The following SH3BGR variants were observed in gnomAD, a reference collection of about 807,000 sequenced individuals.
The protein encoded by SH3BGR is SH3 domain binding glutamate rich protein, also known as SH3 domain-binding glutamic acid-rich protein.
In SH3BGR, 29 loss-of-function variants were observed where a neutral mutation model predicts 24.5. The ratio of observed to expected loss-of-function variants is 1.18; its 90% CI spans 0.88 to 1.61. The LOEUF (loss-of-function observed/expected upper bound fraction) is 1.61, where lower values mean the gene tolerates loss of function less well. Among genes scored for constraint, SH3BGR ranks in the 40% most tolerant of loss-of-function variants. The probability of loss-of-function intolerance (pLI) is 0.00; values close to 1 mark genes in which losing one functional copy is unlikely to be tolerated. For missense variants in SH3BGR, 162 were observed against 205.8 expected (o/e 0.79, Z 1.30); for synonymous variants, 55 against 65.7 (o/e 0.84, Z 0.79).
rs146550854 is a variant in SH3BGR at position 39,499,210 on chromosome 21, A to T, written c.313-613A>T. 3.5e-3 allele frequency among the ~76,000 whole-genome samples: 528 copies of T among 152,110 alleles called. 4 individuals are homozygous for T. The highest frequency in any genetic ancestry group is 0.012 in the African/African-American group (497 of 41,514). On this transcript the variant is annotated intron_variant, in intron 3 of 6. Coordinates refer to ENST00000333634, the MANE Select transcript of SH3BGR (RefSeq NM_007341.3). Reference sequence around the variant, plus strand: ...AATTCAAGATGAGATTTGAGTGGGGACACAAAGCCTAACCATATTATCATC... The same window carrying T: ...AATTCAAGATGAGATTTGAGTGGGGTCACAAAGCCTAACCATATTATCATC...
upstream of SH3BGR, among the ~76,000 whole-genome samples, chr21:39,449,572 G>A (rs149350403): frequency 2.6e-4 from 39 of 152,280 alleles, no homozygotes; most frequent in African/African-American, 7.0e-4. Context: ...TAATACATTA[G>A]AAGGAATCTT....
intron 3 of SH3BGR, among the ~76,000 whole-genome samples, chr21:39,489,383 G>C (rs1300287911): frequency 6.6e-6 from 1 of 152,380 alleles, no homozygotes; most frequent in African/African-American, 2.4e-5. Context: ...CCAAATGCCT[G>C]TCAGAGATGG....
chr21:39,460,213 GTTGTT>G (rs2077732658), intron 1 of SH3BGR, among the ~76,000 whole-genome samples: 2 of 152,152 alleles, frequency 1.3e-5, no homozygotes, highest in Non-Finnish European at 2.9e-5. Flanking sequence ...GGAGAAAAGG[GTTGTT>G]TTGTTGTGTG....
chr21:39,495,582 C>A (rs1022757157), intron 3 of SH3BGR, among the ~76,000 whole-genome samples: 57 of 151,818 alleles, frequency 3.8e-4, no homozygotes, highest in African/African-American at 1.4e-3. Flanking sequence ...TGGGCTCAAG[C>A]AGTCCTCTTG....
rs2077947839 is a variant in SH3BGR, at chr21:39,471,907, ATTGTTCTCTCTAGGTAT to A, written c.232-3225_232-3209del. ...TTTGGTTCCTTTCTAAATTTGCTTG[ATTGTTCTCTCTAGGTAT>A]TTATTCTGTTTTCGAGTTTCTCTTT... On this transcript the variant is annotated intron_variant, in intron 2 of 6. Coordinates refer to ENST00000333634, the MANE Select transcript of SH3BGR (RefSeq NM_007341.3). 2.0e-5 allele frequency among the ~76,000 whole-genome samples: 3 copies of A among 151,860 alleles called. No homozygotes were observed. In the South Asian group the frequency reaches 6.2e-4, roughly 32 times the overall value.
intron 5 of SH3BGR, among the ~76,000 whole-genome samples, chr21:39,509,909 A>G (rs1463155002): frequency 1.3e-5 from 2 of 152,070 alleles, no homozygotes; most frequent in Non-Finnish European, 2.9e-5. Flanking sequence ...AGGGTCCCAA[A>G]TGTCAAAAGA....
intron 3 of SH3BGR, among the ~76,000 whole-genome samples, chr21:39,480,666 T>C (rs2078115562): frequency 6.6e-6 from 1 of 152,244 alleles, no homozygotes; most frequent in South Asian, 2.1e-4. Flanking sequence ...CATTTGTGTA[T>C]CTTTTGTTTA....
intron 2 of SH3BGR, among the ~76,000 whole-genome samples, chr21:39,471,526 G>T (rs946209448): frequency 6.6e-6 from 1 of 152,084 alleles, no homozygotes; most frequent in Non-Finnish European, 1.5e-5. Context: ...ACATCTGTTA[G>T]CTCTTCTCAC....
intron 5 of SH3BGR, among the ~76,000 whole-genome samples, chr21:39,509,299 A>C (rs2078635480): frequency 6.6e-6 from 1 of 152,112 alleles, no homozygotes; most frequent in Non-Finnish European, 1.5e-5. Context: ...CACTGACATC[A>C]GGCCAGGCCA....
At chr21:39,494,084 A>G (rs1325461473) in intron 3 of SH3BGR, among the ~76,000 whole-genome samples, 1 of 152,184 alleles carries the variant, frequency 6.6e-6, no homozygotes, top group East Asian at 1.9e-4. Flanking sequence ...ACTTAATGTT[A>G]TAACACTTTC....
intron 4 of SH3BGR, among the ~76,000 whole-genome samples, chr21:39,505,765 C>CA (rs200922786): frequency 1.5e-4 from 22 of 149,826 alleles, no homozygotes; most frequent in Non-Finnish European, 2.5e-4. Context: ...AACTTCGTCT[C>CA]AAAAAAAAAG....
At chr21:39,451,922 C>T (rs2077579922), upstream of SH3BGR, 1 of 1,614,114 alleles carries the variant, frequency 6.2e-7, no homozygotes, top group Non-Finnish European at 8.5e-7. Context: ...CTCTGCTGCT[C>T]CTTGGAGAGA....
At chr21:39,459,896 T>C (rs1192946172) in intron 1 of SH3BGR, among the ~76,000 whole-genome samples, 1 of 152,190 alleles carries the variant, frequency 6.6e-6, no homozygotes, top group Non-Finnish European at 1.5e-5. Flanking sequence ...AGTTTCTCCC[T>C]GTGGTTATTA....
At chr21:39,454,708 G>C (rs1179021084) in intron 1 of SH3BGR, among the ~76,000 whole-genome samples, 1 of 152,164 alleles carries the variant, frequency 6.6e-6, no homozygotes, top group African/African-American at 2.4e-5. Flanking sequence ...TAAATATCGT[G>C]GGAAAAATAT....
intron 6 of SH3BGR, among the ~76,000 whole-genome samples, chr21:39,512,193 C>T (rs1375938593): frequency 1.3e-5 from 2 of 152,186 alleles, no homozygotes; most frequent in African/African-American, 4.8e-5. Flanking sequence ...ACTCCTCCAC[C>T]AACCACATGT....
intron 3 of SH3BGR, among the ~76,000 whole-genome samples, chr21:39,485,862 TG>T (rs2078203994): frequency 6.6e-6 from 1 of 151,750 alleles, no homozygotes; most frequent in Non-Finnish European, 1.5e-5. Flanking sequence ...TAATTTTTTG[TG>T]TTTTTTAGTA....
rs372405063 is a variant in SH3BGR at position 39,452,111 on chromosome 21, G to A, written c.15G>A (p.Val5=). ...CAACTGTCGAAATGGTTATCAAAGTGTTTGTTGCTACATCTTCTGGGTCCA... is the reference window on the plus strand; with the variant it reads ...CAACTGTCGAAATGGTTATCAAAGTATTTGTTGCTACATCTTCTGGGTCCA... The part of the protein sequence containing the change: MVIK[V]FVATSSGSIA... The change falls in exon 1 of 7, where the codon GTG becomes GTA. Residue 5 remains valine (V), a synonymous_variant. Transcript: ENST00000333634. 4 of 1,614,146 alleles carry A rather than the reference G, an allele frequency of 2.5e-6. No individual in the cohort carries two copies. The highest frequency in any genetic ancestry group is 3.4e-6 in the Non-Finnish European group (4 of 1,180,006).
At chr21:39,481,988 A>G (rs1449848989) in intron 3 of SH3BGR, among the ~76,000 whole-genome samples, 2 of 152,310 alleles carry the variant, frequency 1.3e-5, no homozygotes, top group East Asian at 3.9e-4. Context: ...GATCTTTATA[A>G]TAAAGAGATC....
chr21:39,510,463 A>G (rs537572137), intron 5 of SH3BGR, among the ~76,000 whole-genome samples: 4 of 28,348 alleles, frequency 1.4e-4, no homozygotes, highest in South Asian at 1.2e-3. Flanking sequence ...CACTGTAGCT[A>G]CACACACACA....
Sources: gnomAD v4.1 joint callset for allele counts (sites outside exome capture counted in the v4.1 genomes callset) on GRCh38, gnomAD v4.1.1 for gene constraint, MANE v1.5 for transcripts, NCBI Gene and HGNC (gene_info 2026-07-23, HGNC 2026-07-21) for gene names.